The following HPS4 variants were observed in gnomAD, a reference collection of about 807,000 sequenced individuals.
The protein encoded by HPS4 is BLOC-3 complex member HPS4.
A neutral mutation model predicts 70.3 loss-of-function variants in HPS4; 44 were observed. That is an observed-to-expected ratio of 0.63 (90% CI 0.49 to 0.80). The LOEUF is 0.80. HPS4 is among the 30% of genes least tolerant of loss of function. HPS4 has a pLI of 0.00. For synonymous variants in HPS4, 377 were observed against 355.9 expected (o/e 1.06, Z -0.67); for missense variants, 873 against 884.4 (o/e 0.99, Z 0.16).
intron 13 of HPS4, among the ~76,000 whole-genome samples, chr22:26,454,341 C>G (rs1452245437): frequency 1.3e-5 from 2 of 152,238 alleles, no homozygotes; most frequent in Admixed American, 1.3e-4. Flanking sequence ...AATCCCAGCC[C>G]TATTACTTCC....
intron 11 of HPS4, among the ~76,000 whole-genome samples, chr22:26,462,300 C>T (rs889625329): frequency 1.3e-5 from 2 of 152,142 alleles, no homozygotes; most frequent in Admixed American, 6.5e-5. Flanking sequence ...CCATAGAGCA[C>T]GAGCCACAGA....
intron 2 of HPS4, among the ~76,000 whole-genome samples, chr22:26,481,405 C>T (rs977875018): frequency 2.6e-5 from 4 of 152,158 alleles, no homozygotes; most frequent in Non-Finnish European, 5.9e-5. Flanking sequence ...GCAACCATAC[C>T]TCATCTCTGC....
At position 26,472,410 on chromosome 22, in the gene HPS4, A is replaced by G. The variant is rs1345652837; in HGVS notation, c.393T>C (p.Ser131=). Residue 131 remains serine (S), a synonymous_variant, in exon 6 of 14, where the codon TCT becomes TCC. Transcript: ENST00000398145. ...CCCACTCCGTGCTCAGTTCTTCCTG[A>G]GAACAGTTCTAAAACAGAAAGAGCC... ...GPVSLAYENC[S]QEELSTEWDT... is the part of the protein sequence containing the mutation. The G allele has an allele frequency of 6.2e-7, 1 of 1,602,030 alleles. No individual in the cohort carries two copies. The highest frequency in any genetic ancestry group is 2.2e-5 in the East Asian group (1 of 44,814).
In HPS4 at chr22:26,452,713, C is replaced by T. The variant is rs776345185; in HGVS notation, c.*520G>A. ...CTGCCGCTTCCCTGCAGGAACGATC[C>T]GGACCTCCCAGCAAGAGCGCACTGG... On this transcript the variant is annotated 3_prime_UTR_variant, in exon 14 of 14. Transcript: ENST00000398145. 1.3e-4 allele frequency: 33 copies of T among 253,386 alleles called. No individual in the cohort carries two copies. Among genetic ancestry groups the T allele is most frequent in the East Asian group, 3.1e-4 (3 of 9,654 alleles). 15.7% of individuals were successfully genotyped at this position (253,386 alleles called of 1,614,324 possible). A position where few individuals can be genotyped will look rare whatever the true frequency, so the allele number is the denominator to read the frequency against.
intron 10 of HPS4, 46 bp downstream of exon 10, chr22:26,465,409 G>A: frequency 7.4e-7 from 1 of 1,351,334 alleles, no homozygotes; most frequent in Non-Finnish European, 1.1e-6. Context: ...ACGCGATGGG[G>A]TCCCTCAGGT....
intron 2 of HPS4, 36 bp from the exon 3 acceptor site, chr22:26,479,391 A>C: frequency 1.9e-6 from 3 of 1,610,444 alleles, no homozygotes; most frequent in African/African-American, 1.3e-5. Context: ...TGTTTCCTTT[A>C]ATCCAGTGAT....
At chr22:26,479,527 T>C in intron 2 of HPS4, 172 bp from the exon 3 acceptor site, 1 of 1,430,406 alleles carries the variant, frequency 7.0e-7, no homozygotes, top group Non-Finnish European at 9.1e-7. Flanking sequence ...AAAACCATTC[T>C]GTAAGCGCAG....
At chr22:26,443,435 T>G, downstream of HPS4, 2 of 481,454 alleles carry the variant, frequency 4.2e-6, no homozygotes, top group Non-Finnish European at 7.5e-6. Context: ...TTCCAATCAT[T>G]TGCTTCAGAG....
rs2088034937 is a variant in HPS4 at position 26,464,417 on chromosome 22, A to T, written c.1213T>A (p.Ser405Thr). ...PDGRAPYCKA[S>T]LSASSSLEPT... Reference sequence around the variant, plus strand: ...TCCAGGCTGCTGGAGGCGCTGAGAGATGCCTTGCAGTAAGGAGCCCTGCCA... The same window carrying T: ...TCCAGGCTGCTGGAGGCGCTGAGAGTTGCCTTGCAGTAAGGAGCCCTGCCA... The change falls in exon 11 of 14, where the codon TCT becomes ACT. Residue 405 changes from serine to threonine, a missense_variant. Physicochemically the swap from Ser to Thr is moderately conservative, Grantham distance 58. Coordinates refer to ENST00000398145, the MANE Select transcript of HPS4 (RefSeq NM_022081.6). 1 of 1,614,168 alleles carries T rather than the reference A, an allele frequency of 6.2e-7. No homozygotes were observed.
chr22:26,457,566 G>C (rs1224553533), intron 13 of HPS4, among the ~76,000 whole-genome samples: 1 of 152,150 alleles, frequency 6.6e-6, no homozygotes, highest in Admixed American at 6.5e-5. Context: ...CTAGCAAGGA[G>C]ACGGAGCCAC....
At chr22:26,479,666 T>G (rs898295419) in intron 2 of HPS4, 1 of 1,221,522 alleles carries the variant, frequency 8.2e-7, no homozygotes, top group Non-Finnish European at 1.0e-6. Context: ...ACCTTAACTA[T>G]ACAACCACAT....
chr22:26,458,635 G>A (rs1312525065), intron 11 of HPS4, 58 bp from the exon 12 acceptor site: 21 of 1,603,946 alleles, frequency 1.3e-5, no homozygotes, highest in Admixed American at 6.8e-5. Context: ...GCCTTCTGAG[G>A]GCTAGTTAAC....
intron 11 of HPS4, among the ~76,000 whole-genome samples, chr22:26,459,097 C>T (rs1040507975): frequency 6.6e-6 from 1 of 152,186 alleles, no homozygotes; most frequent in Admixed American, 6.5e-5. Flanking sequence ...ATACAAACAG[C>T]CTGGGACCAT....
chr22:26,479,229 G>T (rs1264493004), intron 3 of HPS4, 36 bp downstream of exon 3: 1 of 1,610,242 alleles, frequency 6.2e-7, no homozygotes, highest in African/African-American at 1.3e-5. Flanking sequence ...GAGGCACTGG[G>T]ATCCTCACTG....
intron 11 of HPS4, among the ~76,000 whole-genome samples, chr22:26,462,261 G>T (rs2087449356): frequency 6.6e-6 from 1 of 152,204 alleles, no homozygotes; most frequent in African/African-American, 2.4e-5. Flanking sequence ...TAACAGCATG[G>T]ATAGACCTTG....
rs769041433 is a variant in HPS4 at position 26,464,514 on chromosome 22, G to A, written c.1116C>T (p.Ile372=). The change falls in exon 11 of 14, where the codon ATC becomes ATT. Residue 372 remains isoleucine, a synonymous_variant. Coordinates refer to ENST00000398145, the MANE Select transcript of HPS4 (RefSeq NM_022081.6). ...CCACTTCCTGAGCCTCTGGAATGTG[G>A]ATTTCAGACAAGTCGAGTTCTTCTT... The part of the protein sequence containing the change: ...FLQEELDLSE[I]HIPEAQEVEM... The A allele has an allele frequency of 6.2e-7, 1 of 1,614,086 alleles. No individual in the cohort carries two copies. The highest frequency in any genetic ancestry group is 1.3e-5 in the African/African-American group (1 of 74,934).
At chr22:26,458,264 C>T (rs1054292177) in intron 12 of HPS4, among the ~76,000 whole-genome samples, 181 bp downstream of exon 12, 1 of 152,260 alleles carries the variant, frequency 6.6e-6, no homozygotes, top group Non-Finnish European at 1.5e-5. Flanking sequence ...AGCAGAGAAG[C>T]GTCTGCCCAG....
At chr22:26,481,546 ATGT>A (rs1340940203) in intron 2 of HPS4, among the ~76,000 whole-genome samples, 173 bp downstream of exon 2, 1 of 152,020 alleles carries the variant, frequency 6.6e-6, no homozygotes, top group Non-Finnish European at 1.5e-5. Flanking sequence ...AGGTTAAAAC[ATGT>A]TAGCTTTGGA....
rs192717656 is a variant in HPS4, at chr22:26,477,251, T to A, written c.133-115A>T. On this transcript the variant is annotated intron_variant, in intron 3 of 13. Coordinates refer to ENST00000398145, the MANE Select transcript of HPS4 (RefSeq NM_022081.6). ...ATCCAGTCTGTTACCCGTTTTCCTA[T>A]GGCCTGTAAGCTAAGAATGGTTCTT... The A allele has an allele frequency of 4.4e-5, 47 of 1,058,618 alleles. No homozygotes were observed. The Admixed American group carries it at 8.7e-4, about 20-fold the overall frequency. 65.6% of individuals were successfully genotyped at this position (1,058,618 alleles called of 1,614,324 possible).
Sources: gnomAD v4.1 joint callset for allele counts (sites outside exome capture counted in the v4.1 genomes callset) on GRCh38, gnomAD v4.1.1 for gene constraint, MANE v1.5 for transcripts, NCBI Gene and HGNC (gene_info 2026-07-23, HGNC 2026-07-21) for gene names.